Variants in SLCO3A1 observed in about 807,000 individuals in gnomAD.
SLCO3A1 encodes PGE1 transporter.
SLCO3A1 carries 27 observed loss-of-function variants against 63.1 expected under a neutral mutation model. The ratio of observed to expected loss-of-function variants is 0.43; its 90% CI spans 0.32 to 0.59. SLCO3A1 has a LOEUF of 0.59. Ranked by LOEUF, SLCO3A1 falls within the 20% of genes least tolerant of loss-of-function variation. SLCO3A1 has a pLI of 0.09. For missense variants in SLCO3A1, 773 were observed against 945.8 expected, an observed-to-expected ratio of 0.82 and a Z score of 2.40; for synonymous variants, 473 against 409.9, an observed-to-expected ratio of 1.15 and a Z score of -1.86.
intron 2 of SLCO3A1, among the ~76,000 whole-genome samples, chr15:92,036,028 G>A (rs1332083797): frequency 6.6e-6 from 1 of 152,140 alleles, no homozygotes; most frequent in African/African-American, 2.4e-5. Context: ...GTATAACTGG[G>A]GCGTGGCCAC....
chr15:91,942,724 A>G lies in SLCO3A1; in HGVS notation c.646+26266A>G, dbSNP rs1441822214. ...GCTGGAATTACAGGCGTGCACCACC[A>G]CGCCCGGCTAATTTTTGAAAAGAGA... On this transcript the variant is annotated intron_variant, in intron 2 of 9. Coordinates refer to ENST00000318445, the MANE Select transcript of SLCO3A1 (RefSeq NM_013272.4). The surrounding 1 kb of genome is among the most constrained non-coding windows in gnomAD (Gnocchi z 4.1). Among the ~76,000 whole-genome samples the G allele has an allele frequency of 1.3e-5, 2 of 152,062 alleles. No individual in the cohort carries two copies.
intron 2 of SLCO3A1, among the ~76,000 whole-genome samples, chr15:91,926,596 TGC>T (rs141222641): frequency 9.5e-6 from 1 of 105,254 alleles, no homozygotes; most frequent in African/African-American, 3.7e-5. Context: ...TGTGTGTGTG[TGC>T]GCGCGCGCAC....
rs751577251 is a variant in SLCO3A1 at position 92,120,475 on chromosome 15, G to A, written c.1020G>A (p.Lys340=). Residue 340 remains lysine (K), a synonymous_variant, in exon 5 of 10, where the codon AAG becomes AAA. Transcript: ENST00000318445. Reference sequence around the variant, plus strand: ...TCTGTCTCCCTGCAGTGATCCCGAAGGTCACCAAGCACCTGCTCTCAAACC... The same window carrying A: ...TCTGTCTCCCTGCAGTGATCCCGAAAGTCACCAAGCACCTGCTCTCAAACC... The part of the protein sequence containing the change: ...SCFQQLRVIP[K]VTKHLLSNPV... 7 of 1,614,044 alleles carry A rather than the reference G, an allele frequency of 4.3e-6. No homozygotes were observed. The South Asian group carries it at 7.7e-5, about 18-fold the overall frequency.
At chr15:91,913,336 T>C (rs945360698) in intron 1 of SLCO3A1, among the ~76,000 whole-genome samples, 3 of 152,186 alleles carry the variant, frequency 2.0e-5, no homozygotes, top group African/African-American at 2.4e-5. Flanking sequence ...CCCCCAATAA[T>C]GGGTGTCATG....
At chr15:91,987,761 A>AG (rs1555421648) in intron 2 of SLCO3A1, among the ~76,000 whole-genome samples, 1 of 151,266 alleles carries the variant, frequency 6.6e-6, no homozygotes, top group Non-Finnish European at 1.5e-5. Context: ...AAAAAAAGAT[A>AG]ATAATAATTA....
chr15:92,007,155 T>C (rs943150365), intron 2 of SLCO3A1, among the ~76,000 whole-genome samples: 1 of 152,344 alleles, frequency 6.6e-6, no homozygotes, highest in Middle Eastern at 3.4e-3. Context: ...TTTATATATA[T>C]GTTCTCAATG....
intron 2 of SLCO3A1, among the ~76,000 whole-genome samples, chr15:91,934,307 C>G (rs751301377): frequency 6.6e-6 from 1 of 152,128 alleles, no homozygotes; most frequent in African/African-American, 2.4e-5. Flanking sequence ...ACATACCTTT[C>G]CTCTTTCTTC....
intron 7 of SLCO3A1, among the ~76,000 whole-genome samples, chr15:92,139,576 G>T (rs957386433): frequency 5.9e-5 from 9 of 152,016 alleles, no homozygotes; most frequent in Admixed American, 3.9e-4. Flanking sequence ...TGTACCTCTG[G>T]TAGAATTCGG....
chr15:92,149,252 C>T (rs1268696959), intron 8 of SLCO3A1: 3 of 152,248 alleles, frequency 2.0e-5, no homozygotes, highest in Non-Finnish European at 4.4e-5. Flanking sequence ...CTAAATTAAT[C>T]AGCCACAGAT....
intron 10 of SLCO3A1, chr15:92,171,415 G>A (rs2048520633): frequency 5.1e-6 from 1 of 195,198 alleles, no homozygotes; most frequent in South Asian, 1.1e-4. Context: ...CAATAGAGAT[G>A]TACAGTGACA....
intron 9 of SLCO3A1, among the ~76,000 whole-genome samples, chr15:92,161,417 C>G (rs2048435214): frequency 6.6e-6 from 1 of 151,954 alleles, no homozygotes. Context: ...TAACAGCAGG[C>G]AAAGAAACAC....
intron 9 of SLCO3A1, among the ~76,000 whole-genome samples, chr15:92,156,452 A>C (rs1225123374): frequency 6.6e-6 from 1 of 152,210 alleles, no homozygotes; most frequent in Admixed American, 6.5e-5. Context: ...CTCTAAAGTC[A>C]GTCACACCTG....
At chr15:91,924,179 G>C (rs1041698308) in intron 2 of SLCO3A1, among the ~76,000 whole-genome samples, 1 of 152,202 alleles carries the variant, frequency 6.6e-6, no homozygotes, top group African/African-American at 2.4e-5. Flanking sequence ...AAGTGCTGAA[G>C]GGGTGCAGCT....
In SLCO3A1 at chr15:92,163,216, A is replaced by C; in HGVS notation, c.*81A>C. On this transcript the variant is annotated 3_prime_UTR_variant, in exon 10 of 10. Transcript: ENST00000318445. The stretch of plus-strand genomic sequence containing the variant: ...AAAAAAGAAAAAAAGGTTCCAAAAA[A>C]AACCAAAACTCAGTACACACACACA... 1 of 1,449,230 alleles carries C rather than the reference A, an allele frequency of 6.9e-7. No homozygotes were observed. The highest frequency in any genetic ancestry group is 9.0e-7 in the Non-Finnish European group (1 of 1,109,402). 89.8% of individuals were successfully genotyped at this position (1,449,230 alleles called of 1,614,324 possible).
At chr15:91,905,753 A>C (rs750048352) in intron 1 of SLCO3A1, among the ~76,000 whole-genome samples, 25 of 152,204 alleles carry the variant, frequency 1.6e-4, no homozygotes, top group Non-Finnish European at 2.8e-4. Context: ...TTGTAAAGAA[A>C]ACTATTTCTC....
At chr15:91,944,006 G>A (rs928812013) in intron 2 of SLCO3A1, among the ~76,000 whole-genome samples, 3 of 152,086 alleles carry the variant, frequency 2.0e-5, no homozygotes, top group African/African-American at 7.2e-5. Context: ...GCTCTTCATT[G>A]GAAACTTTTG....
At chr15:92,148,190 T>TGACA (rs1157904499) in intron 8 of SLCO3A1, among the ~76,000 whole-genome samples, 1 of 152,174 alleles carries the variant, frequency 6.6e-6, no homozygotes. Flanking sequence ...CCTGGGTGAC[T>TGACA]GACAGAGCAA....
chr15:91,880,221 C>T (rs969607738), intron 1 of SLCO3A1, among the ~76,000 whole-genome samples: 12 of 151,472 alleles, frequency 7.9e-5, no homozygotes, highest in African/African-American at 2.7e-4. Context: ...GGTAGATTCA[C>T]ATGCAATTGT....
chr15:91,910,214 A>G (rs1555448774), intron 1 of SLCO3A1, among the ~76,000 whole-genome samples: 1 of 151,972 alleles, frequency 6.6e-6, no homozygotes, highest in Non-Finnish European at 1.5e-5. Flanking sequence ...CTCCCCTCCC[A>G]CAGCTATTAA....
Sources: gnomAD v4.1 joint callset for allele counts (sites outside exome capture counted in the v4.1 genomes callset) on GRCh38, gnomAD v4.1.1 for gene constraint, Gnocchi (gnomAD v3.1) non-coding constraint, MANE v1.5 for transcripts, NCBI Gene and HGNC (gene_info 2026-07-23, HGNC 2026-07-21) for gene names.